Variants in TBL1XR1 observed in about 807,000 individuals in gnomAD.
The protein encoded by TBL1XR1 is TBL1X/Y related 1, also known as F-box-like/WD repeat-containing protein TBL1XR1.
TBL1XR1 carries 5 observed loss-of-function variants against 66.9 expected under a neutral mutation model. The ratio of observed to expected loss-of-function variants is 0.07; its 90% CI spans 0.04 to 0.16. The LOEUF (loss-of-function observed/expected upper bound fraction) is 0.16, where lower values mean the gene tolerates loss of function less well. TBL1XR1 is among the 10% of genes least tolerant of loss of function. The pLI, the probability that TBL1XR1 is intolerant of heterozygous loss-of-function variation, is 1.00. For missense variants in TBL1XR1, 238 were observed against 623.2 expected (o/e 0.38, Z 6.58); for synonymous variants, 210 against 206.0 (o/e 1.02, Z -0.17).
At chr3:177,110,673 G>A (rs1408882740) in intron 1 of TBL1XR1, 1 of 152,114 alleles carries the variant, frequency 6.6e-6, no homozygotes, top group Non-Finnish European at 1.5e-5. Context: ...TGTGACTTAT[G>A]CCTACTATTG....
At chr3:177,143,559 C>T (rs1201670941) in intron 1 of TBL1XR1, among the ~76,000 whole-genome samples, 1 of 152,080 alleles carries the variant, frequency 6.6e-6, no homozygotes, top group Non-Finnish European at 1.5e-5. Flanking sequence ...TGAAATTAAA[C>T]TTTTTGTTAT....
At chr3:177,183,088 A>G (rs1461136000) in intron 1 of TBL1XR1, among the ~76,000 whole-genome samples, 1 of 152,218 alleles carries the variant, frequency 6.6e-6, no homozygotes, top group African/African-American at 2.4e-5. Flanking sequence ...ATACAGCTTC[A>G]GAATACAACC....
chr3:177,185,748 A>G (rs1448209032), intron 1 of TBL1XR1, among the ~76,000 whole-genome samples: 1 of 152,094 alleles, frequency 6.6e-6, no homozygotes, highest in Non-Finnish European at 1.5e-5. Flanking sequence ...AGCAGCTCAC[A>G]CCAATAATCC....
chr3:177,095,709 A>T (rs1223531444), intron 2 of TBL1XR1, among the ~76,000 whole-genome samples: 2 of 152,066 alleles, frequency 1.3e-5, no homozygotes, highest in Non-Finnish European at 2.9e-5. Context: ...CGAATTCCTG[A>T]TCTCACAAGT....
intron 1 of TBL1XR1, among the ~76,000 whole-genome samples, chr3:177,170,779 A>AT (rs1733368838): frequency 6.6e-6 from 1 of 151,772 alleles, no homozygotes; most frequent in African/African-American, 2.4e-5. Context: ...TAGTTTTTGT[A>AT]TTTTTTGTTG....
chr3:177,166,517 A>G (rs891425002), intron 1 of TBL1XR1, among the ~76,000 whole-genome samples: 1 of 152,204 alleles, frequency 6.6e-6, no homozygotes, highest in South Asian at 2.1e-4. Context: ...AGCTTCCCCC[A>G]TGCTGTTCTG....
chr3:177,156,590 T>A (rs544533968), intron 1 of TBL1XR1, among the ~76,000 whole-genome samples: 103 of 149,548 alleles, frequency 6.9e-4, no homozygotes, highest in Non-Finnish European at 1.3e-3. Flanking sequence ...TATATATATA[T>A]AAAATTCTGA....
At chr3:177,036,302 C>T (rs1377404814) in intron 12 of TBL1XR1, among the ~76,000 whole-genome samples, 2 of 152,220 alleles carry the variant, frequency 1.3e-5, no homozygotes, top group African/African-American at 4.8e-5. Flanking sequence ...CTTGAGCTTA[C>T]AGTTCTCTAA....
In TBL1XR1 at chr3:177,021,857, T is replaced by C. The variant is rs1712420378; in HGVS notation, c.*3641A>G. 6.6e-6 allele frequency: 1 copy of C among 152,650 alleles called. No homozygotes were observed. The highest frequency in any genetic ancestry group is 1.5e-5 in the Non-Finnish European group (1 of 68,008). 9.5% of individuals were successfully genotyped at this position (152,650 alleles called of 1,614,324 possible). ...ATCATGCGAGAATAATCACAGGTTC[T>C]GTAGAAATGTACAATGTACTTAAGA... On this transcript the variant is annotated 3_prime_UTR_variant, in exon 16 of 16. Transcript: ENST00000457928.
chr3:177,087,670 T>C (rs941400661), intron 2 of TBL1XR1, among the ~76,000 whole-genome samples: 20 of 150,512 alleles, frequency 1.3e-4, no homozygotes, highest in Admixed American at 1.0e-3. Context: ...AACTTTAGCA[T>C]GTTAATTTCT....
chr3:177,193,479 T>TTG (rs1281916179), intron 1 of TBL1XR1, among the ~76,000 whole-genome samples: 2 of 151,984 alleles, frequency 1.3e-5, no homozygotes, highest in African/African-American at 4.8e-5. Flanking sequence ...CCCAGCTAAT[T>TTG]TGTGTATTTT....
At chr3:177,165,723 G>A (rs1732742333) in intron 1 of TBL1XR1, among the ~76,000 whole-genome samples, 1 of 152,126 alleles carries the variant, frequency 6.6e-6, no homozygotes, top group Admixed American at 6.6e-5. Flanking sequence ...ATTCAACAAA[G>A]AGTGCTGGAA....
chr3:177,036,985 C>T (rs539499607), intron 12 of TBL1XR1, among the ~76,000 whole-genome samples: 2 of 152,154 alleles, frequency 1.3e-5, no homozygotes, highest in East Asian at 3.9e-4. Context: ...CTTTTTTCCC[C>T]AAATGAGGAA....
intron 1 of TBL1XR1, among the ~76,000 whole-genome samples, chr3:177,183,416 A>T (rs1167394923): frequency 1.3e-5 from 2 of 152,208 alleles, no homozygotes; most frequent in Non-Finnish European, 2.9e-5. Flanking sequence ...ACGTTTGTGT[A>T]AAATTTAACA....
intron 3 of TBL1XR1, among the ~76,000 whole-genome samples, chr3:177,058,166 C>T (rs1214442467): frequency 6.6e-6 from 1 of 152,156 alleles, no homozygotes; most frequent in Non-Finnish European, 1.5e-5. Context: ...ATGACCACAA[C>T]ATACTGCCCT....
chr3:177,082,717 A>AT (rs1721552676), intron 2 of TBL1XR1, among the ~76,000 whole-genome samples: 1 of 116,056 alleles, frequency 8.6e-6, no homozygotes, highest in Non-Finnish European at 1.8e-5. Flanking sequence ...ACAGACTATT[A>AT]CTAAATTTCT....
chr3:177,145,083 CCAGGCAAGCTTAACGAA>C (rs1214650056), intron 1 of TBL1XR1, among the ~76,000 whole-genome samples: 3 of 152,074 alleles, frequency 2.0e-5, no homozygotes, highest in Non-Finnish European at 2.9e-5. Flanking sequence ...TCAAGTGGTA[CCAGGCAAGCTTAACGAA>C]CAGGAACCTA....
upstream of TBL1XR1, among the ~76,000 whole-genome samples, chr3:177,200,613 CCTAAT>C (rs1410393565): frequency 6.6e-6 from 1 of 152,108 alleles, no homozygotes; most frequent in Non-Finnish European, 1.5e-5. Context: ...AGTACTTTGT[CCTAAT>C]CTAACACTCC....
intron 1 of TBL1XR1, among the ~76,000 whole-genome samples, chr3:177,174,142 G>A (rs1299662922): frequency 1.3e-5 from 2 of 152,008 alleles, no homozygotes; most frequent in African/African-American, 4.8e-5. Context: ...GGCCGGGTGC[G>A]GTGGCTCACG....
Sources: gnomAD v4.1 joint callset for allele counts (sites outside exome capture counted in the v4.1 genomes callset) on GRCh38, gnomAD v4.1.1 for gene constraint, MANE v1.5 for transcripts, NCBI Gene and HGNC (gene_info 2026-07-23, HGNC 2026-07-21) for gene names.